The following PLEKHA5 variants were observed in gnomAD, a reference collection of about 807,000 sequenced individuals.
PLEKHA5 encodes pleckstrin homology domain containing A5, also known as pleckstrin homology domain-containing family A member 5.
In PLEKHA5, 55 loss-of-function variants were observed where a neutral mutation model predicts 181.9. That is an observed-to-expected ratio of 0.30 (90% confidence interval 0.24 to 0.38). The LOEUF is 0.38. Among genes scored for constraint, PLEKHA5 ranks in the 10% least tolerant of loss-of-function variants. The pLI is 1.00. For missense variants in PLEKHA5, 1,432 were observed against 1,549.5 expected (o/e 0.92, Z 1.27); for synonymous variants, 535 against 529.4 (o/e 1.01, Z -0.15).
intron 3 of PLEKHA5, among the ~76,000 whole-genome samples, chr12:19,192,004 G>C (rs555992010): frequency 1.3e-5 from 2 of 152,184 alleles, no homozygotes; most frequent in Non-Finnish European, 2.9e-5. Context: ...ACTATACAAA[G>C]GTGTGTATAC....
intron 3 of PLEKHA5, among the ~76,000 whole-genome samples, chr12:19,189,110 T>C (rs1262128838): frequency 2.6e-5 from 4 of 152,174 alleles, no homozygotes; most frequent in African/African-American, 9.6e-5. Context: ...TCTTCTAGGC[T>C]GAAGACACTC....
chr12:19,179,077 A>G (rs1439245202), intron 3 of PLEKHA5, among the ~76,000 whole-genome samples: 2 of 152,226 alleles, frequency 1.3e-5, no homozygotes, highest in African/African-American at 2.4e-5. Flanking sequence ...ACATGATTAC[A>G]TTATGTTTTT....
At chr12:19,330,543 A>C (rs967534025) in intron 20 of PLEKHA5, among the ~76,000 whole-genome samples, 2 of 152,166 alleles carry the variant, frequency 1.3e-5, no homozygotes, top group African/African-American at 4.8e-5. Flanking sequence ...TTTATTTGAG[A>C]AGCAGTTACA....
chr12:19,198,174 C>A (rs1486853574), intron 3 of PLEKHA5, among the ~76,000 whole-genome samples: 1 of 152,180 alleles, frequency 6.6e-6, no homozygotes, highest in African/African-American at 2.4e-5. Flanking sequence ...TAATTCAGAT[C>A]TTGTCAATGT....
chr12:19,367,029 G>A (rs2095441694), intron 30 of PLEKHA5, among the ~76,000 whole-genome samples: 1 of 151,824 alleles, frequency 6.6e-6, no homozygotes, highest in Non-Finnish European at 1.5e-5. Flanking sequence ...GGGACTACAG[G>A]TGTGTGCCAC....
chr12:19,141,170 T>A (rs911792128), intron 3 of PLEKHA5, among the ~76,000 whole-genome samples: 3 of 151,236 alleles, frequency 2.0e-5, no homozygotes, highest in Non-Finnish European at 2.9e-5. Context: ...TTTCCACCCC[T>A]CCCCCCCAAC....
chr12:19,208,265 T>TG (rs11377978), intron 3 of PLEKHA5, among the ~76,000 whole-genome samples: 127,705 of 151,862 alleles, frequency 0.84, 55,210 homozygotes, highest in Non-Finnish European at 0.95. Flanking sequence ...AAAAATTAGC[T>TG]GGCATGGTGG....
At chr12:19,326,383 G>C (rs1435566680) in intron 20 of PLEKHA5, among the ~76,000 whole-genome samples, 1 of 152,118 alleles carries the variant, frequency 6.6e-6, no homozygotes, top group African/African-American at 2.4e-5. Flanking sequence ...GGATTTCACT[G>C]AATCTTTCAC....
At chr12:19,188,393 A>G (rs1395578502) in intron 3 of PLEKHA5, among the ~76,000 whole-genome samples, 1 of 152,192 alleles carries the variant, frequency 6.6e-6, no homozygotes, top group Admixed American at 6.5e-5. Context: ...TCAGATCAGC[A>G]TGTTATTTTC....
chr12:19,364,670 T>G (rs1274063108), intron 29 of PLEKHA5, among the ~76,000 whole-genome samples: 2 of 115,890 alleles, frequency 1.7e-5, no homozygotes, highest in African/African-American at 6.3e-5. Flanking sequence ...CTAATGTTTG[T>G]TTTTTTTTTG....
In PLEKHA5 at chr12:19,167,405, A is replaced by ATTTTTTTTTTT. The variant is rs56086557; in HGVS notation, c.227+34974_227+34984dup. Among the ~76,000 whole-genome samples, 65 of 91,224 alleles carry ATTTTTTTTTTT rather than the reference A, an allele frequency of 7.1e-4. 3 individuals are homozygous for ATTTTTTTTTTT. Among genetic ancestry groups the ATTTTTTTTTTT allele is most frequent in the South Asian group, 2.5e-3 (5 of 1,986 alleles). The allele number at this position is 91,224 out of a possible 152,430, so 59.8% of individuals were successfully genotyped here. The stretch of plus-strand genomic sequence containing the variant: ...CACTCTGCAAGTCTTCTGAGGCTTA[A>ATTTTTTTTTTT]TTTTTTTTTTTTTTTTTTTTTTTTT... On this transcript the variant is annotated intron_variant, in intron 3 of 31. Transcript: ENST00000429027.
At chr12:19,362,167 CAAAAAAA>C (rs33984774) in intron 29 of PLEKHA5, among the ~76,000 whole-genome samples, 1 of 61,610 alleles carries the variant, frequency 1.6e-5, no homozygotes, top group African/African-American at 6.2e-5. Context: ...GACTCTGTCT[CAAAAAAA>C]AAAAAAAAAA....
rs796572663 is a variant in PLEKHA5 at position 19,305,983 on chromosome 12, A to G, written c.2038-8831A>G. On this transcript the variant is annotated intron_variant, in intron 15 of 31. Coordinates refer to ENST00000429027, the MANE Select transcript of PLEKHA5 (RefSeq NM_001256470.2). Reference sequence around the variant, plus strand: ...TAATCCCAGCTACTCGGGAGGCTGAAGCAGGAGAATCGCTTGAACCCAGGA... The same window carrying G: ...TAATCCCAGCTACTCGGGAGGCTGAGGCAGGAGAATCGCTTGAACCCAGGA... Among the ~76,000 whole-genome samples, 104 of 150,976 alleles carry G rather than the reference A, an allele frequency of 6.9e-4. 1 individual carries two copies. The highest frequency in any genetic ancestry group is 2.3e-3 in the African/African-American group (96 of 41,080).
At chr12:19,195,869 A>T (rs985073951) in intron 3 of PLEKHA5, among the ~76,000 whole-genome samples, 1 of 152,070 alleles carries the variant, frequency 6.6e-6, no homozygotes, top group African/African-American at 2.4e-5. Context: ...TGACAGCTGC[A>T]TGATGTGTTC....
In PLEKHA5 at chr12:19,292,423, G is replaced by C. The variant is rs577321322; in HGVS notation, c.2037+726G>C. 2.6e-5 allele frequency among the ~76,000 whole-genome samples: 4 copies of C among 152,142 alleles called. No individual in the cohort carries two copies. In the East Asian group the frequency reaches 7.7e-4, roughly 29 times the overall value. ...ACTCTGTCTTAAAAATAAAGAAACA[G>C]AGAAAGAGAGAGAGGGAGGGAGTAA... On this transcript the variant is annotated intron_variant, in intron 15 of 31. Coordinates refer to ENST00000429027, the MANE Select transcript of PLEKHA5 (RefSeq NM_001256470.2).
intron 5 of PLEKHA5, among the ~76,000 whole-genome samples, chr12:19,256,634 TTA>T (rs2066954091): frequency 6.6e-6 from 1 of 152,232 alleles, no homozygotes; most frequent in South Asian, 2.1e-4. Context: ...TAAAATTTTC[TTA>T]TATACTAATA....
intron 3 of PLEKHA5, among the ~76,000 whole-genome samples, chr12:19,143,197 C>A (rs370747584): frequency 6.6e-6 from 1 of 152,170 alleles, no homozygotes; most frequent in African/African-American, 2.4e-5. Context: ...CTTGAGGAAC[C>A]TCCATACTGT....
chr12:19,279,672 A>C (rs531508321), intron 11 of PLEKHA5, among the ~76,000 whole-genome samples: 18 of 151,792 alleles, frequency 1.2e-4, no homozygotes, highest in Non-Finnish European at 2.6e-4. Flanking sequence ...AAAAAAAAAA[A>C]ATACATACAT....
intron 3 of PLEKHA5, among the ~76,000 whole-genome samples, chr12:19,194,930 A>G (rs1236765440): frequency 6.6e-6 from 1 of 152,230 alleles, no homozygotes; most frequent in African/African-American, 2.4e-5. Context: ...AAATCAAATT[A>G]TAGGTAAAGC....
Sources: gnomAD v4.1 joint callset for allele counts (sites outside exome capture counted in the v4.1 genomes callset) on GRCh38, gnomAD v4.1.1 for gene constraint, MANE v1.5 for transcripts, NCBI Gene and HGNC (gene_info 2026-07-23, HGNC 2026-07-21) for gene names.